DLG1: variants seen among roughly 807,000 people sequenced by gnomAD.
DLG1 encodes the protein discs large MAGUK scaffold protein 1.
DLG1 carries 42 observed loss-of-function variants against 123.4 expected under a neutral mutation model. That is an observed-to-expected ratio of 0.34 (90% confidence interval 0.27 to 0.44). The LOEUF (loss-of-function observed/expected upper bound fraction) is 0.44. DLG1 is among the 20% of genes least tolerant of loss of function. DLG1 has a pLI of 1.00. For synonymous variants in DLG1, 317 were observed against 356.2 expected, an observed-to-expected ratio of 0.89 and a Z score of 1.24; for missense variants, 942 against 1,082.6, an observed-to-expected ratio of 0.87 and a Z score of 1.82.
chr3:197,046,589 T>C (rs1048644649), intron 24 of DLG1, among the ~76,000 whole-genome samples: 3 of 152,202 alleles, frequency 2.0e-5, no homozygotes, highest in Non-Finnish European at 2.9e-5. Context: ...AATGGGTCTT[T>C]GGCCGGGTGC....
At chr3:197,056,946 C>T (rs945580216) in intron 23 of DLG1, among the ~76,000 whole-genome samples, 5 of 152,170 alleles carry the variant, frequency 3.3e-5, no homozygotes, top group Admixed American at 6.5e-5. Flanking sequence ...TTGTGAGATT[C>T]TTCTATACTT....
intron 14 of DLG1, among the ~76,000 whole-genome samples, chr3:197,101,285 CTTACTTACAGGATTATCTTGGGAG>C (rs1763297175): frequency 6.6e-6 from 1 of 152,138 alleles, no homozygotes; most frequent in Non-Finnish European, 1.5e-5. Flanking sequence ...GATAACGGTG[CTTACTTACAGGATTATCTTGGGAG>C]TTAAAAGAGT....
chr3:197,224,047 T>C (rs2971443), intron 4 of DLG1, among the ~76,000 whole-genome samples: 111,925 of 152,162 alleles, frequency 0.74, 41,264 homozygotes, highest in East Asian at 0.82. Flanking sequence ...TTTTATTTCC[T>C]AAATTAAAGT....
intron 4 of DLG1, among the ~76,000 whole-genome samples, chr3:197,213,916 A>C (rs993698444): frequency 6.6e-6 from 1 of 152,210 alleles, no homozygotes. Context: ...TTCTGAATTA[A>C]AAGTCATGAG....
chr3:197,217,072 T>C (rs1436872284), intron 4 of DLG1, among the ~76,000 whole-genome samples: 1 of 152,200 alleles, frequency 6.6e-6, no homozygotes, highest in African/African-American at 2.4e-5. Flanking sequence ...AAATGTAGCA[T>C]TTTCATCCAC....
At position 197,106,853 on chromosome 3, in the gene DLG1, A is replaced by G. The variant is rs190880211; in HGVS notation, c.1444-1848T>C. ...GTCACTTTTTTTCTTTTACACCGAC[A>G]TTTTTAAAAATGGAGAAATAATTCG... On this transcript the variant is annotated intron_variant, in intron 13 of 24. Transcript: ENST00000667157. 1.3e-4 allele frequency among the ~76,000 whole-genome samples: 20 copies of G among 152,344 alleles called. No homozygotes were observed. In the East Asian group the frequency reaches 3.1e-3, roughly 24 times the overall value.
At chr3:197,054,877 A>G (rs1037756339) in intron 23 of DLG1, among the ~76,000 whole-genome samples, 2 of 151,120 alleles carry the variant, frequency 1.3e-5, no homozygotes, top group African/African-American at 4.9e-5. Flanking sequence ...GTGCAATGGT[A>G]TGGTCTCTAC....
intron 13 of DLG1, among the ~76,000 whole-genome samples, chr3:197,114,117 A>G (rs1286561443): frequency 6.6e-6 from 1 of 152,238 alleles, no homozygotes; most frequent in Non-Finnish European, 1.5e-5. Context: ...ATCCACTCAT[A>G]GGAGTTTAGG....
chr3:197,063,360 T>C (rs186185477), intron 22 of DLG1, among the ~76,000 whole-genome samples: 56 of 152,258 alleles, frequency 3.7e-4, no homozygotes, highest in African/African-American at 1.2e-3. Flanking sequence ...CTCAGAGAAA[T>C]GTCATACCCC....
At chr3:197,134,797 T>A (rs1784305721) in intron 10 of DLG1, among the ~76,000 whole-genome samples, 1 of 152,194 alleles carries the variant, frequency 6.6e-6, no homozygotes, top group South Asian at 2.1e-4. Context: ...TGGGCTTGGG[T>A]GAAGTGTTGT....
At chr3:197,206,576 C>T (rs1041508298) in intron 4 of DLG1, among the ~76,000 whole-genome samples, 5 of 152,198 alleles carry the variant, frequency 3.3e-5, no homozygotes, top group Non-Finnish European at 7.3e-5. Flanking sequence ...GTTAGGATTA[C>T]AGGCATGAGC....
chr3:197,051,191 C>A (rs553412188), intron 24 of DLG1, among the ~76,000 whole-genome samples: 2 of 152,132 alleles, frequency 1.3e-5, no homozygotes, highest in East Asian at 3.9e-4. Context: ...CTGACCAACA[C>A]GGCGAAACCC....
intron 13 of DLG1, among the ~76,000 whole-genome samples, chr3:197,105,612 AT>A (rs1765895741): frequency 6.6e-6 from 1 of 152,186 alleles, no homozygotes; most frequent in African/African-American, 2.4e-5. Context: ...AGGTGAAATA[AT>A]TATCCAATTC....
chr3:197,283,910 G>C (rs1263954599), intron 3 of DLG1, among the ~76,000 whole-genome samples: 1 of 145,536 alleles, frequency 6.9e-6, no homozygotes, highest in Non-Finnish European at 1.5e-5. Flanking sequence ...CGCCCAGGCT[G>C]GAGTGCAGTG....
chr3:197,190,128 A>C (rs1342235660), intron 5 of DLG1, among the ~76,000 whole-genome samples: 1 of 152,214 alleles, frequency 6.6e-6, no homozygotes, highest in African/African-American at 2.4e-5. Flanking sequence ...GAAGAAATGA[A>C]TCAGATTAAG....
At chr3:197,046,181 C>T (rs752628965) in intron 24 of DLG1, among the ~76,000 whole-genome samples, 1 of 152,092 alleles carries the variant, frequency 6.6e-6, no homozygotes, top group Non-Finnish European at 1.5e-5. Flanking sequence ...GACAGAATCC[C>T]AGAGCATTTC....
rs979381802 is a variant in DLG1 at position 197,140,074 on chromosome 3, T to C, written c.713+66A>G. 4.5e-6 allele frequency: 7 copies of C among 1,557,442 alleles called. No homozygotes were observed. The Admixed American group carries it at 7.1e-5, about 16-fold the overall frequency. On this transcript the variant is annotated intron_variant, in intron 8 of 24. Coordinates refer to ENST00000667157, the MANE Select transcript of DLG1 (RefSeq NM_001366207.1). ...GTTTGTTATTTGTATTTATCCCTTA[T>C]CCAGTCTGCTTCAAGAAAAATACAC...
Position 197,138,288 on chromosome 3 carries a change from A to G in DLG1, c.817T>C (p.Tyr273His). The G allele has an allele frequency of 6.2e-7, 1 of 1,603,762 alleles. No individual in the cohort carries two copies. Among genetic ancestry groups the G allele is most frequent in the Non-Finnish European group, 8.5e-7 (1 of 1,173,096 alleles). Residue 273 changes from tyrosine to histidine, a missense_variant, in exon 9 of 25, where the codon TAT becomes CAT. By Grantham distance (83) the Tyr-to-His change is moderately conservative. Transcript: ENST00000667157. ...GACACTGGTTTCCTTCTTTTTACAT[A>G]CAAGCGTACAATAGACCCTGCTTCT... The part of the protein sequence containing the change: ...LKEAGSIVRL[Y>H]VKRRKPVSEK...
chr3:197,233,990 T>C (rs1278855570), intron 4 of DLG1, among the ~76,000 whole-genome samples: 3 of 152,230 alleles, frequency 2.0e-5, no homozygotes, highest in Admixed American at 1.3e-4. Context: ...TAAAACTTCT[T>C]TGAAACAGCA....
Sources: allele counts gnomAD v4.1 joint callset (sites outside exome capture counted in the v4.1 genomes callset), GRCh38; gene constraint gnomAD v4.1.1; transcripts MANE v1.5; gene names NCBI Gene and HGNC (gene_info 2026-07-23, HGNC 2026-07-21).